The following SYNPO2 variants were observed in gnomAD, a reference collection of about 807,000 sequenced individuals.
SYNPO2 encodes synaptopodin 2, also known as synaptopodin-2.
SYNPO2 carries 56 observed loss-of-function variants against 85.0 expected under a neutral mutation model. The observed-to-expected ratio is 0.66, with a 90% CI of 0.53 to 0.82. The LOEUF is 0.82. SYNPO2 is among the 40% of genes least tolerant of loss of function. The pLI is 0.00. For missense variants in SYNPO2, 1,575 were observed against 1,534.2 expected (o/e 1.03, Z -0.44); for synonymous variants, 602 against 591.1 (o/e 1.02, Z -0.27).
chr4:118,881,505 G>C (rs534463586), intron 1 of SYNPO2, among the ~76,000 whole-genome samples: 2 of 152,158 alleles, frequency 1.3e-5, no homozygotes, highest in Non-Finnish European at 1.5e-5. Flanking sequence ...CACCCAATCC[G>C]TGGCGTTTGT....
chr4:119,054,141 C>G (rs555739874), intron 4 of SYNPO2, among the ~76,000 whole-genome samples: 27 of 152,374 alleles, frequency 1.8e-4, no homozygotes, highest in African/African-American at 5.5e-4. Context: ...AGTGTGGGAT[C>G]TGGCTGGCCA....
In SYNPO2 at chr4:119,033,527, T is replaced by C. The variant is rs1238243994; in HGVS notation, c.3252+1500T>C. Reference sequence around the variant, plus strand: ...CGACATGAATTAATGTAGAGAACTATAAAGCATTTATGACAGCTCCAAGAA... The same window carrying C: ...CGACATGAATTAATGTAGAGAACTACAAAGCATTTATGACAGCTCCAAGAA... On this transcript the variant is annotated intron_variant, in intron 4 of 4. Coordinates refer to ENST00000307142, the MANE Select transcript of SYNPO2 (RefSeq NM_133477.3). The C allele has an allele frequency of 1.2e-5, 12 of 985,280 alleles. No individual in the cohort carries two copies. The Admixed American group carries it at 7.4e-4, about 61-fold the overall frequency. 61.0% of individuals were successfully genotyped at this position (985,280 alleles called of 1,614,324 possible).
intron 3 of SYNPO2, 25 bp from the exon 4 acceptor site, chr4:119,029,820 A>ATTTTTTTTTTTTTT (rs58164872): frequency 7.6e-7 from 1 of 1,320,024 alleles, no homozygotes. Context: ...GCTCAATATA[A>ATTTTTTTTTTTTTT]TTTTTTTTTT....
chr4:119,031,537 C>T lies in SYNPO2; in HGVS notation c.2762C>T (p.Pro921Leu). ...WKYSSNVRAP[P>L]PVAYNPIHSP... ...TACTCCTCCAATGTCCGAGCACCTCCTCCTGTGGCCTATAATCCTATCCAC... is the reference window on the plus strand; with the variant it reads ...TACTCCTCCAATGTCCGAGCACCTCTTCCTGTGGCCTATAATCCTATCCAC... Residue 921 changes from proline to leucine, a missense_variant, in exon 4 of 5, where the codon CCT (proline) becomes CTT (leucine). Physicochemically the swap from Pro to Leu is moderately conservative, Grantham distance 98. Around this residue, in one of 3 missense-constraint regions of SYNPO2, gnomAD observed 1,508 missense variants for 1,446.8 expected, o/e 1.04. Transcript: ENST00000307142. 1 of 1,614,190 alleles carries T rather than the reference C, an allele frequency of 6.2e-7. No individual in the cohort carries two copies. The highest frequency in any genetic ancestry group is 8.5e-7 in the Non-Finnish European group (1 of 1,180,028).
At chr4:118,942,650 A>G (rs372938534) in intron 1 of SYNPO2, among the ~76,000 whole-genome samples, 17 of 152,268 alleles carry the variant, frequency 1.1e-4, no homozygotes, top group African/African-American at 3.9e-4. Flanking sequence ...GTGTCAGCCA[A>G]TGGTTCTTTA....
At chr4:118,926,166 G>A (rs736693) in intron 1 of SYNPO2, among the ~76,000 whole-genome samples, 2 of 151,960 alleles carry the variant, frequency 1.3e-5, no homozygotes, top group East Asian at 3.9e-4. Context: ...CGCAACTGGG[G>A]ATTATAGGAG....
intron 2 of SYNPO2, among the ~76,000 whole-genome samples, chr4:119,024,159 C>T (rs78741038): frequency 0.13 from 20,363 of 152,136 alleles, 1,737 homozygotes; most frequent in Middle Eastern, 0.22. Context: ...TCTTCAAATA[C>T]CACCATCCCC....
At chr4:119,014,537 G>T (rs1205263820) in intron 1 of SYNPO2, among the ~76,000 whole-genome samples, 1 of 152,014 alleles carries the variant, frequency 6.6e-6, no homozygotes, top group Non-Finnish European at 1.5e-5. Flanking sequence ...CATGCAGTAG[G>T]TTTGCTATTT....
chr4:118,927,697 G>T (rs930102281), intron 1 of SYNPO2, among the ~76,000 whole-genome samples: 2 of 124,868 alleles, frequency 1.6e-5, no homozygotes, highest in East Asian at 2.4e-4. Context: ...ATTAAACAAT[G>T]AGATAGATAG....
At chr4:119,009,095 T>C (rs1214344751) in intron 1 of SYNPO2, among the ~76,000 whole-genome samples, 3 of 152,244 alleles carry the variant, frequency 2.0e-5, no homozygotes, top group Non-Finnish European at 4.4e-5. Context: ...AGAATTTCAA[T>C]GTGTTGTTAC....
At position 119,026,891 on chromosome 4, in the gene SYNPO2, A is replaced by C. The variant is rs17263971; in HGVS notation, c.522A>C (p.Gln174His). 0.24 allele frequency: 384,394 copies of C among 1,613,840 alleles called. 46,574 individuals carry two copies. The highest frequency in any genetic ancestry group is 0.26 in the Admixed American group (15,625 of 59,970). Reference protein sequence around the residue: ...YQRAPQMPDSQRGRVAEELIL... With the variant: ...YQRAPQMPDSHRGRVAEELIL... ...GGGCTCCCCAAATGCCTGACTCCCAAAGAGGACGCGTGGCAGAAGAGCTGA... is the reference window on the plus strand; with the variant it reads ...GGGCTCCCCAAATGCCTGACTCCCACAGAGGACGCGTGGCAGAAGAGCTGA... The change falls in exon 3 of 5, where the codon CAA (glutamine) becomes CAC (histidine). Residue 174 changes from glutamine to histidine, a missense_variant. Transcript: ENST00000307142.
intron 1 of SYNPO2, among the ~76,000 whole-genome samples, chr4:118,974,947 G>A (rs1056062881): frequency 6.6e-6 from 1 of 152,114 alleles, no homozygotes; most frequent in African/African-American, 2.4e-5. Flanking sequence ...CCTACACACT[G>A]ACTAATCTCC....
intron 4 of SYNPO2, chr4:119,042,128 A>G (rs923178148): frequency 6.6e-6 from 1 of 152,154 alleles, no homozygotes; most frequent in Non-Finnish European, 1.5e-5. Flanking sequence ...TGCCGATTTT[A>G]TTTCAAACGT....
Position 118,892,824 on chromosome 4 carries a change from G to T in SYNPO2, c.105+3683G>T, listed in dbSNP as rs149046810. ...TGTTCATTAAAATTGAGGTGACATT[G>T]TATAATCCTTCATTTCATAAGGCCA... is the stretch of plus-strand genomic sequence containing the variant. On this transcript the variant is annotated intron_variant, in intron 1 of 4. Coordinates refer to ENST00000307142, the MANE Select transcript of SYNPO2 (RefSeq NM_133477.3). 3.7e-3 allele frequency among the ~76,000 whole-genome samples: 567 copies of T among 152,100 alleles called. 5 individuals are homozygous for T. The highest frequency in any genetic ancestry group is 0.013 in the African/African-American group (541 of 41,532).
rs562258871 is a variant in SYNPO2 at position 118,925,940 on chromosome 4, A to C, written c.105+36799A>C. Among the ~76,000 whole-genome samples the C allele has an allele frequency of 7.2e-5, 11 of 152,294 alleles. No individual in the cohort carries two copies. In the South Asian group the frequency reaches 2.3e-3, roughly 32 times the overall value. On this transcript the variant is annotated intron_variant, in intron 1 of 4. Coordinates refer to ENST00000307142, the MANE Select transcript of SYNPO2 (RefSeq NM_133477.3). ...TTAAAATAAACGTCTAAGAAGTACC[A>C]TGATTTTTGCTAGGTACTGGGCAAA...
At chr4:119,010,322 G>A (rs564052849) in intron 1 of SYNPO2, among the ~76,000 whole-genome samples, 1 of 152,272 alleles carries the variant, frequency 6.6e-6, no homozygotes, top group South Asian at 2.1e-4. Flanking sequence ...ATATGGCTAG[G>A]AAGGCCTCAG....
At chr4:118,979,338 C>T (rs931944352) in intron 1 of SYNPO2, among the ~76,000 whole-genome samples, 1 of 152,184 alleles carries the variant, frequency 6.6e-6, no homozygotes, top group Non-Finnish European at 1.5e-5. Flanking sequence ...AATTTTGTCA[C>T]CTACAAAAGT....
At chr4:118,927,870 T>A (rs1338106586) in intron 1 of SYNPO2, among the ~76,000 whole-genome samples, 1 of 152,160 alleles carries the variant, frequency 6.6e-6, no homozygotes, top group Non-Finnish European at 1.5e-5. Context: ...ATTCTGCCTG[T>A]ATGTGTTGTA....
rs7691479 is a variant in SYNPO2, at chr4:118,941,031, G to A, written c.105+51890G>A. Among the ~76,000 whole-genome samples, 395 of 152,224 alleles carry A rather than the reference G, an allele frequency of 2.6e-3. 1 individual carries two copies. Among genetic ancestry groups the A allele is most frequent in the African/African-American group, 9.1e-3 (377 of 41,524 alleles). On this transcript the variant is annotated intron_variant, in intron 1 of 4. Transcript: ENST00000307142. ...AATTTGTAAATGTTCCACCTGTAGA[G>A]CATCTCTCTTCCCTGCTCCAGAGCA...
Sources: allele counts gnomAD v4.1 joint callset (sites outside exome capture counted in the v4.1 genomes callset), GRCh38; gene constraint gnomAD v4.1.1; regional missense constraint gnomAD v4.1.1; transcripts MANE v1.5; gene names NCBI Gene and HGNC (gene_info 2026-07-23, HGNC 2026-07-21).